FECH: variants seen among roughly 807,000 people sequenced by gnomAD.
FECH encodes the protein ferrochelatase, also known as ferrochelatase, mitochondrial.
In FECH, 40 loss-of-function variants were observed where a neutral mutation model predicts 56.9. That is an observed-to-expected ratio of 0.70 (90% CI 0.55 to 0.92). FECH has a LOEUF of 0.92. FECH is among the 40% of genes least tolerant of loss of function. The pLI is 0.00. For missense variants in FECH, 431 were observed against 529.1 expected (o/e 0.81, Z 1.82); for synonymous variants, 175 against 198.6 (o/e 0.88, Z 1.00).
rs148356538 is a variant in FECH at position 57,580,592 on chromosome 18, G to A, written c.68-393C>T. Reference sequence around the variant, plus strand: ...AAAAGCCGCCGATTTCGGGAGTGGCGAGTGGGCCAGTTTCCAAATAGCTGC... The same window carrying A: ...AAAAGCCGCCGATTTCGGGAGTGGCAAGTGGGCCAGTTTCCAAATAGCTGC... On this transcript the variant is annotated intron_variant, in intron 1 of 10. Transcript: ENST00000262093. Among the ~76,000 whole-genome samples the A allele has an allele frequency of 7.5e-3, 1,136 of 152,240 alleles. 15 individuals carry two copies. Among genetic ancestry groups the A allele is most frequent in the Non-Finnish European group, 0.01 (691 of 68,022 alleles).
At chr18:57,559,601 C>A (rs780097113) in intron 6 of FECH, among the ~76,000 whole-genome samples, 1 of 152,170 alleles carries the variant, frequency 6.6e-6, no homozygotes, top group Non-Finnish European at 1.5e-5. Flanking sequence ...TCATTTGCTC[C>A]GTTAGCAGGA....
chr18:57,579,909 G>T, intron 2 of FECH, 164 bp downstream of exon 2: 1 of 878,096 alleles, frequency 1.1e-6, no homozygotes, highest in Non-Finnish European at 1.9e-6. Context: ...AGTGGGGAAG[G>T]AGGGTGTAAA....
intron 5 of FECH, among the ~76,000 whole-genome samples, chr18:57,563,578 CCCAAAAAA>C (rs1350780178): frequency 3.7e-4 from 4 of 10,944 alleles, no homozygotes; most frequent in Non-Finnish European, 6.9e-4. Context: ...GAAACTCCGT[CCCAAAAAA>C]AAAAAAAAAA....
At chr18:57,566,411 G>A (rs73436924) in intron 5 of FECH, 36 bp downstream of exon 5, 26 of 1,613,794 alleles carry the variant, frequency 1.6e-5, no homozygotes, top group African/African-American at 9.3e-5. Context: ...TGCCAGCACC[G>A]TATCTACCTT....
chr18:57,571,338 A>G (rs2051102484), intron 4 of FECH, 54 bp downstream of exon 4: 2 of 1,584,458 alleles, frequency 1.3e-6, no homozygotes, highest in Admixed American at 1.7e-5. Flanking sequence ...TTTGAATTTC[A>G]TAACTACTTC....
At position 57,545,296 on chromosome 18, in the gene FECH, T is replaced by C. The variant is rs899281859; in HGVS notation, c.*5416A>G. ...TCCAACATCCATCTTAATGGCCTAC[T>C]GTAGCCTAATTTAGCCAATAGCTGT... is the stretch of plus-strand genomic sequence containing the variant. On this transcript the variant is annotated 3_prime_UTR_variant, in exon 11 of 11. Coordinates refer to ENST00000262093, the MANE Select transcript of FECH (RefSeq NM_000140.5). Among the ~76,000 whole-genome samples the C allele has an allele frequency of 2.0e-5, 3 of 152,228 alleles. No homozygotes were observed. Among genetic ancestry groups the C allele is most frequent in the African/African-American group, 7.2e-5 (3 of 41,462 alleles).
chr18:57,558,252 C>T (rs1053788402), intron 7 of FECH, among the ~76,000 whole-genome samples: 4 of 152,214 alleles, frequency 2.6e-5, no homozygotes, highest in African/African-American at 7.2e-5. Flanking sequence ...TTATTCCAAG[C>T]GCTTCTATAT....
Position 57,550,587 on chromosome 18 carries a change from CA to C in FECH, c.*124del, listed in dbSNP as rs2050783806. ...CTCAAGAAACCACACAATTTGTACC[CA>C]AAGGCTGTATATATATCAAGGAAGG... On this transcript the variant is annotated 3_prime_UTR_variant, in exon 11 of 11. Transcript: ENST00000262093. 1 of 1,236,320 alleles carries C rather than the reference CA, an allele frequency of 8.1e-7. No individual in the cohort carries two copies. The highest frequency in any genetic ancestry group is 1.9e-5 in the Admixed American group (1 of 52,998). The allele number at this position is 1,236,320 out of a possible 1,614,324, so 76.6% of individuals were successfully genotyped here.
intron 2 of FECH, among the ~76,000 whole-genome samples, chr18:57,578,794 T>C (rs377088849): frequency 1.5e-3 from 221 of 148,010 alleles, no homozygotes; most frequent in African/African-American, 5.1e-3. Context: ...ACCCCATCTC[T>C]ACTAAAAATG....
At position 57,562,874 on chromosome 18, in the gene FECH, C is replaced by G. The variant is rs761265774; in HGVS notation, c.705G>C (p.Gln235His). ...AGGCAGCTGGCAAGCACTGGCTTAC[C>G]TGGATGAGGAGGTGATGTGTGGGCC... ...DRWPTHHLLI[Q>H]CFADHILKEL... Residue 235 changes from glutamine (Q) to histidine (H), a missense_variant and splice_region_variant, in exon 6 of 11, where the codon CAG (glutamine) becomes CAC (histidine). Gln to His is a conservative substitution (Grantham distance 24). Coordinates refer to ENST00000262093, the MANE Select transcript of FECH (RefSeq NM_000140.5). The G allele has an allele frequency of 2.5e-6, 4 of 1,613,624 alleles. No individual in the cohort carries two copies. In the South Asian group the frequency reaches 4.4e-5, roughly 18 times the overall value.
In FECH at chr18:57,586,588, G is replaced by T; in HGVS notation, c.33C>A (p.Ala11=). ...GGAGCAGGACGCCCGCGGCGCGCAG[G>T]GCCGCAGCCATGTTTGCGCCGAGTG... MRSLGANMAA[A]LRAAGVLLRD... Residue 11 remains alanine (A), a synonymous_variant, in exon 1 of 11, where the codon GCC becomes GCA. Transcript: ENST00000262093. The T allele has an allele frequency of 6.6e-7, 1 of 1,522,856 alleles. No homozygotes were observed. Among genetic ancestry groups the T allele is most frequent in the Admixed American group, 2.0e-5 (1 of 50,342 alleles). The allele number at this position is 1,522,856 out of a possible 1,614,324, so 94.3% of individuals were successfully genotyped here. A position where few individuals can be genotyped will look rare whatever the true frequency, so the allele number is the denominator to read the frequency against.
intron 6 of FECH, 142 bp from the exon 7 acceptor site, chr18:57,559,385 CA>C (rs2050911890): frequency 1.6e-6 from 1 of 643,186 alleles, no homozygotes; most frequent in South Asian, 1.6e-5. Context: ...TAAAAAATTG[CA>C]AACAGTCCAG....
At chr18:57,583,425 A>G (rs1406491144) in intron 1 of FECH, among the ~76,000 whole-genome samples, 1 of 152,212 alleles carries the variant, frequency 6.6e-6, no homozygotes, top group African/African-American at 2.4e-5. Flanking sequence ...TGGGCCACTC[A>G]CTGAGATGCT....
At chr18:57,557,623 C>T (rs1376615310) in intron 7 of FECH, among the ~76,000 whole-genome samples, 1 of 152,164 alleles carries the variant, frequency 6.6e-6, no homozygotes, top group Non-Finnish European at 1.5e-5. Context: ...TGGGGAAACC[C>T]CGTCTCTACT....
chr18:57,584,859 T>C (rs2051342280), intron 1 of FECH, among the ~76,000 whole-genome samples: 1 of 140,520 alleles, frequency 7.1e-6, no homozygotes, highest in South Asian at 2.5e-4. Flanking sequence ...AAAAAATGTT[T>C]GGGGGGCCAG....
At chr18:57,550,904 A>G in intron 10 of FECH, 58 bp from the exon 11 acceptor site, 3 of 1,609,410 alleles carry the variant, frequency 1.9e-6, no homozygotes, top group Non-Finnish European at 2.5e-6. Context: ...CTCGTCTGCC[A>G]TGCCCCCTCC....
chr18:57,576,050 G>A (rs1454237167), intron 2 of FECH, among the ~76,000 whole-genome samples: 1 of 152,166 alleles, frequency 6.6e-6, no homozygotes, highest in Non-Finnish European at 1.5e-5. Context: ...GTTTGGGGCT[G>A]GAGAGTCCTT....
At chr18:57,578,417 G>C (rs553960106) in intron 2 of FECH, among the ~76,000 whole-genome samples, 34 of 152,346 alleles carry the variant, frequency 2.2e-4, no homozygotes, top group African/African-American at 8.2e-4. Context: ...GCTCATGCCT[G>C]TAATACCAGC....
At chr18:57,570,023 TGTTGTTGTC>T (rs1309917445) in intron 4 of FECH, among the ~76,000 whole-genome samples, 36 of 114,836 alleles carry the variant, frequency 3.1e-4, no homozygotes, top group Admixed American at 5.4e-4. Context: ...TTGTTGTTGT[TGTTGTTGTC>T]GTGTGTGTGT....
Sources: allele counts gnomAD v4.1 joint callset (sites outside exome capture counted in the v4.1 genomes callset), GRCh38; gene constraint gnomAD v4.1.1; transcripts MANE v1.5; gene names NCBI Gene and HGNC (gene_info 2026-07-23, HGNC 2026-07-21).